Variants in SV2C observed in about 807,000 individuals in gnomAD.
SV2C encodes solute carrier family 22 member B3.
SV2C carries 49 observed loss-of-function variants against 79.7 expected under a neutral mutation model. The ratio of observed to expected loss-of-function variants is 0.61; its 90% CI spans 0.49 to 0.78. The LOEUF (loss-of-function observed/expected upper bound fraction) is 0.78. Among genes scored for constraint, SV2C ranks in the 30% least tolerant of loss-of-function variants. SV2C has a pLI of 0.00. For synonymous variants in SV2C, 334 were observed against 333.2 expected, an observed-to-expected ratio of 1.00 and a Z score of -0.03; for missense variants, 833 against 912.9, an observed-to-expected ratio of 0.91 and a Z score of 1.13.
At chr5:76,069,579 C>G in the SV2C span, among the ~76,000 whole-genome samples, 1 of 152,162 alleles carries the variant, frequency 6.6e-6, no homozygotes, top group Non-Finnish European at 1.5e-5. Flanking sequence ...CCAGGTTGGG[C>G]CTTTCAGACT....
At chr5:76,183,666 T>C (rs1027891133) in intron 2 of SV2C, among the ~76,000 whole-genome samples, 2 of 152,100 alleles carry the variant, frequency 1.3e-5, no homozygotes, top group African/African-American at 4.8e-5. Flanking sequence ...TCCAGCCTTC[T>C]CTCTTGCCAC....
At chr5:76,257,369 T>C (rs181764175) in intron 4 of SV2C, among the ~76,000 whole-genome samples, 3 of 150,300 alleles carry the variant, frequency 2.0e-5, no homozygotes, top group South Asian at 2.1e-4. Context: ...GTTGTATGTG[T>C]TGGGGTGTGG....
intron 8 of SV2C, among the ~76,000 whole-genome samples, chr5:76,294,305 T>TC (rs372804604): frequency 0.1 from 4,801 of 46,386 alleles, 85 homozygotes; most frequent in East Asian, 0.25. Flanking sequence ...TCTCTCTCTC[T>TC]TTTTTTTTTT....
chr5:76,025,028 C>T, the SV2C span, among the ~76,000 whole-genome samples: 9 of 152,292 alleles, frequency 5.9e-5, no homozygotes, highest in African/African-American at 2.2e-4. Context: ...GTGCTGCCTT[C>T]GGGAAGCTGC....
chr5:75,965,070 G>A, the SV2C span, among the ~76,000 whole-genome samples: 1 of 152,088 alleles, frequency 6.6e-6, no homozygotes, highest in South Asian at 2.1e-4. Flanking sequence ...CATGTACATG[G>A]GGTTGTCTTT....
the SV2C span, among the ~76,000 whole-genome samples, chr5:75,892,816 A>G: frequency 0.016 from 2,467 of 152,086 alleles, 34 homozygotes; most frequent in African/African-American, 0.042. Flanking sequence ...TCTTTATCCA[A>G]TCCACCATTC....
At chr5:75,975,875 T>C in the SV2C span, among the ~76,000 whole-genome samples, 2 of 152,146 alleles carry the variant, frequency 1.3e-5, no homozygotes, top group Non-Finnish European at 2.9e-5. Context: ...TACATAAAAC[T>C]GTCCTCTCTG....
the SV2C span, among the ~76,000 whole-genome samples, chr5:75,907,247 T>C: frequency 6.6e-6 from 1 of 152,134 alleles, no homozygotes; most frequent in Non-Finnish European, 1.5e-5. Context: ...TAAGGACAGG[T>C]GGAGGAGCTC....
chr5:76,011,921 C>A, the SV2C span, among the ~76,000 whole-genome samples: 13 of 152,166 alleles, frequency 8.5e-5, no homozygotes, highest in African/African-American at 2.9e-4. Flanking sequence ...TCATCGATGT[C>A]GCTGCAAAGG....
chr5:76,138,469 A>G (rs1749139561), intron 2 of SV2C, among the ~76,000 whole-genome samples: 1 of 152,232 alleles, frequency 6.6e-6, no homozygotes, highest in African/African-American at 2.4e-5. Flanking sequence ...TGAACTTTTC[A>G]AAAACCTTAA....
At chr5:76,352,087 C>T (rs1419520758) in intron 12 of SV2C, among the ~76,000 whole-genome samples, 6 of 152,082 alleles carry the variant, frequency 3.9e-5, no homozygotes, top group Admixed American at 3.9e-4. Flanking sequence ...GTGGTGGGCA[C>T]CTGTAATCCC....
chr5:76,335,470 G>C (rs1426448486), downstream of SV2C, among the ~76,000 whole-genome samples: 1 of 143,942 alleles, frequency 6.9e-6, no homozygotes, highest in Non-Finnish European at 1.5e-5. Flanking sequence ...TTCTCACAGA[G>C]GGGGATTTGG....
intron 3 of SV2C, among the ~76,000 whole-genome samples, chr5:76,206,369 C>T (rs188239209): frequency 1.3e-3 from 205 of 152,302 alleles, no homozygotes; most frequent in African/African-American, 4.8e-3. Context: ...CCAGTGTCCC[C>T]TGAGCAGTTC....
At chr5:76,131,381 G>A (rs1172186002) in intron 1 of SV2C, among the ~76,000 whole-genome samples, 2 of 152,110 alleles carry the variant, frequency 1.3e-5, no homozygotes, top group East Asian at 1.9e-4. Context: ...GAATTCCTGT[G>A]TACTGTTACC....
chr5:75,964,649 G>T, the SV2C span, among the ~76,000 whole-genome samples: 3 of 151,934 alleles, frequency 2.0e-5, no homozygotes, highest in Non-Finnish European at 4.4e-5. Context: ...AAATATTCTG[G>T]GCTAAGGGTT....
chr5:76,234,216 G>A (rs1745538004), intron 4 of SV2C, among the ~76,000 whole-genome samples: 1 of 152,090 alleles, frequency 6.6e-6, no homozygotes, highest in Non-Finnish European at 1.5e-5. Context: ...CATGTTCCTA[G>A]AACTGCCTCA....
the SV2C span, among the ~76,000 whole-genome samples, chr5:76,002,088 TG>T: frequency 6.6e-6 from 1 of 152,132 alleles, no homozygotes; most frequent in Non-Finnish European, 1.5e-5. Context: ...CTTAGAAGAA[TG>T]GCCTCCAGCT....
At chr5:75,897,562 G>A in the SV2C span, among the ~76,000 whole-genome samples, 1 of 73,528 alleles carries the variant, frequency 1.4e-5, no homozygotes, top group African/African-American at 3.5e-5. Flanking sequence ...CTCTTTTTTG[G>A]TTCCATATGA....
the SV2C span, among the ~76,000 whole-genome samples, chr5:75,876,228 A>G: frequency 6.6e-6 from 1 of 152,230 alleles, no homozygotes; most frequent in Non-Finnish European, 1.5e-5. Flanking sequence ...ATCATGGAAT[A>G]CTATGCAGCC....
Sources: gnomAD v4.1 joint callset for allele counts (sites outside exome capture counted in the v4.1 genomes callset) on GRCh38, gnomAD v4.1.1 for gene constraint, MANE v1.5 for transcripts, NCBI Gene and HGNC (gene_info 2026-07-23, HGNC 2026-07-21) for gene names.